Variants in ANKS1B observed in about 807,000 individuals in gnomAD.
ANKS1B encodes ankyrin repeat and sterile alpha motif domain-containing protein 1B.
ANKS1B carries 36 observed loss-of-function variants against 148.3 expected under a neutral mutation model. The ratio of observed to expected loss-of-function variants is 0.24; its 90% confidence interval spans 0.19 to 0.32. The LOEUF is 0.32. Ranked by LOEUF, ANKS1B falls within the 10% of genes least tolerant of loss-of-function variation. The pLI is 1.00. For synonymous variants in ANKS1B, 542 were observed against 560.8 expected (o/e 0.97, Z 0.47); for missense variants, 1,157 against 1,542.6 (o/e 0.75, Z 4.19).
chr12:99,543,864 C>T (rs540765812), intron 9 of ANKS1B, among the ~76,000 whole-genome samples: 81 of 152,042 alleles, frequency 5.3e-4, no homozygotes, highest in African/African-American at 1.7e-3. Context: ...TATGGGACAC[C>T]GAAGCTAATA....
At chr12:99,818,859 T>G (rs747403291) in intron 2 of ANKS1B, among the ~76,000 whole-genome samples, 1 of 151,846 alleles carries the variant, frequency 6.6e-6, no homozygotes, top group Admixed American at 6.6e-5. Context: ...AAGATATAAA[T>G]ACACATCTGA....
At chr12:99,107,129 TA>T (rs2059390158) in intron 15 of ANKS1B, among the ~76,000 whole-genome samples, 1 of 151,718 alleles carries the variant, frequency 6.6e-6, no homozygotes, top group East Asian at 1.9e-4. Flanking sequence ...TAATAATAAA[TA>T]TAAAATACAT....
At chr12:99,515,659 T>C (rs543066755) in intron 9 of ANKS1B, among the ~76,000 whole-genome samples, 297 of 152,172 alleles carry the variant, frequency 2.0e-3, no homozygotes, top group African/African-American at 6.5e-3. Context: ...CTCTTCCATA[T>C]AGTGTTTTCC....
chr12:99,129,480 G>T (rs2065444914), intron 15 of ANKS1B, among the ~76,000 whole-genome samples: 1 of 152,186 alleles, frequency 6.6e-6, no homozygotes, highest in Non-Finnish European at 1.5e-5. Context: ...TATTTGAGGT[G>T]CAGTCACAAA....
chr12:99,659,358 CAA>C (rs904654704), intron 8 of ANKS1B, among the ~76,000 whole-genome samples: 1 of 152,010 alleles, frequency 6.6e-6, no homozygotes, highest in Non-Finnish European at 1.5e-5. Flanking sequence ...TACTGGAGAA[CAA>C]ACTCTGTTCC....
chr12:99,847,140 T>C (rs2086808182), intron 1 of ANKS1B, among the ~76,000 whole-genome samples: 1 of 151,504 alleles, frequency 6.6e-6, no homozygotes, highest in Non-Finnish European at 1.5e-5. Context: ...CAGGGTCTCA[T>C]CATGTCACCC....
chr12:99,488,138 T>C (rs559975208), intron 10 of ANKS1B, among the ~76,000 whole-genome samples: 6 of 152,312 alleles, frequency 3.9e-5, no homozygotes, highest in Middle Eastern at 3.4e-3. Context: ...TTTTGACTAA[T>C]GATAGTCCTG....
rs909043514 is a variant in ANKS1B at position 98,791,754 on chromosome 12, A to G, written c.3342+7180T>C. ...AGACTTTTAAAAAAATAGTTGTTTA[A>G]AAGTTTTTTTTCCCAGTCTGATTCC... On this transcript the variant is annotated intron_variant, in intron 22 of 26. Coordinates refer to ENST00000683438, the MANE Select transcript of ANKS1B (RefSeq NM_001352186.2). Among the ~76,000 whole-genome samples the G allele has an allele frequency of 5.9e-5, 9 of 152,354 alleles. No homozygotes were observed. In the East Asian group the frequency reaches 1.5e-3, roughly 26 times the overall value.
intron 15 of ANKS1B, chr12:99,104,619 T>C (rs2058727500): frequency 6.6e-6 from 1 of 152,232 alleles, no homozygotes. Context: ...AGGCAAATAG[T>C]GGATGCCAAA....
chr12:99,823,316 C>CTATT (rs199623908), intron 2 of ANKS1B, among the ~76,000 whole-genome samples: 2,010 of 151,940 alleles, frequency 0.013, 52 homozygotes, highest in African/African-American at 0.046. Flanking sequence ...TCAATTTTAT[C>CTATT]TATTTATTTA....
rs73372021 is a variant in ANKS1B at position 99,347,200 on chromosome 12, T to C, written c.1756+52431A>G. On this transcript the variant is annotated intron_variant, in intron 12 of 26. Transcript: ENST00000683438. ...AGACAGCATCTATATAAATACTTAA[T>C]AGCAAATCAACCAGCCACTGCTACG... is the stretch of plus-strand genomic sequence containing the variant. Among the ~76,000 whole-genome samples the C allele has an allele frequency of 3.1e-3, 471 of 152,068 alleles. 1 individual carries two copies. The highest frequency in any genetic ancestry group is 0.011 in the African/African-American group (450 of 41,512).
At chr12:99,932,035 G>C (rs1040429285) in intron 1 of ANKS1B, among the ~76,000 whole-genome samples, 2 of 152,022 alleles carry the variant, frequency 1.3e-5, no homozygotes, top group Admixed American at 6.6e-5. Flanking sequence ...TTCTCTTTCT[G>C]TGCCTGGCTT....
chr12:98,955,603 C>G (rs2103070), intron 17 of ANKS1B, among the ~76,000 whole-genome samples: 132,926 of 152,148 alleles, frequency 0.87, 58,340 homozygotes, highest in East Asian at 1. Context: ...GAGGCAGTTA[C>G]ATTCTGCATA....
chr12:99,234,271 G>T (rs1224343479), intron 14 of ANKS1B, among the ~76,000 whole-genome samples: 1 of 152,064 alleles, frequency 6.6e-6, no homozygotes, highest in Non-Finnish European at 1.5e-5. Flanking sequence ...AGTATGATCA[G>T]ATTTCATCAA....
chr12:99,261,740 C>T (rs2075943050), intron 12 of ANKS1B, among the ~76,000 whole-genome samples: 1 of 152,052 alleles, frequency 6.6e-6, no homozygotes, highest in Non-Finnish European at 1.5e-5. Context: ...TTCATTTTTG[C>T]ACCTCACAGG....
intron 19 of ANKS1B, among the ~76,000 whole-genome samples, chr12:98,823,031 A>T (rs998987654): frequency 6.6e-6 from 1 of 152,220 alleles, no homozygotes; most frequent in African/African-American, 2.4e-5. Flanking sequence ...AAATTAACTG[A>T]CCATATTAAT....
intron 9 of ANKS1B, among the ~76,000 whole-genome samples, chr12:99,541,624 G>A (rs1451409113): frequency 6.6e-6 from 1 of 152,088 alleles, no homozygotes; most frequent in African/African-American, 2.4e-5. Context: ...ACTTTGGGAG[G>A]TGAGTGAATC....
chr12:99,247,552 TCTC>T (rs2153970778), intron 12 of ANKS1B, among the ~76,000 whole-genome samples: 1 of 152,314 alleles, frequency 6.6e-6, no homozygotes, highest in South Asian at 2.1e-4. Flanking sequence ...TTTTCTTTCT[TCTC>T]TGAAACGGCA....
chr12:99,638,093 A>T (rs1017463417), intron 9 of ANKS1B, among the ~76,000 whole-genome samples: 80 of 152,194 alleles, frequency 5.3e-4, no homozygotes, highest in African/African-American at 1.9e-3. Flanking sequence ...CATGTGAAGA[A>T]GAACATATTT....
Sources: allele counts gnomAD v4.1 joint callset (sites outside exome capture counted in the v4.1 genomes callset), GRCh38; gene constraint gnomAD v4.1.1; transcripts MANE v1.5; gene names NCBI Gene and HGNC (gene_info 2026-07-23, HGNC 2026-07-21).